NHLRC2: variants seen among roughly 807,000 people sequenced by gnomAD.
NHLRC2 encodes NHL repeat-containing protein 2.
NHLRC2 carries 33 observed loss-of-function variants against 68.1 expected under a neutral mutation model. That is an observed-to-expected ratio of 0.48 (90% CI 0.37 to 0.65). NHLRC2 has a LOEUF of 0.65. Among genes scored for constraint, NHLRC2 ranks in the 30% least tolerant of loss-of-function variants. The pLI, the probability that NHLRC2 is intolerant of heterozygous loss-of-function variation, is 0.00. For missense variants in NHLRC2, 761 were observed against 853.8 expected (o/e 0.89, Z 1.35); for synonymous variants, 311 against 309.6 (o/e 1.00, Z -0.05).
rs1373649271 is a variant in NHLRC2 at position 113,916,442 on chromosome 10, C to T, written c.*7906C>T. The T allele has an allele frequency of 6.6e-6, 1 of 152,080 alleles. No homozygotes were observed. 9.4% of individuals were successfully genotyped at this position (152,080 alleles called of 1,614,324 possible). ...TCCGTAGCATTTCTTAATAATAGCT[C>T]AGTTTTTAAAGGAGGGGAACAATAC... On this transcript the variant is annotated 3_prime_UTR_variant, in exon 11 of 11. Transcript: ENST00000369301.
intron 9 of NHLRC2, among the ~76,000 whole-genome samples, chr10:113,904,473 ATCT>A (rs767306415): frequency 2.0e-4 from 30 of 152,310 alleles, no homozygotes; most frequent in Non-Finnish European, 2.8e-4. Context: ...GATGAATAAC[ATCT>A]TCTTATAGTT....
chr10:113,861,015 C>A (rs1845811761), intron 2 of NHLRC2, among the ~76,000 whole-genome samples: 1 of 152,068 alleles, frequency 6.6e-6, no homozygotes, highest in African/African-American at 2.4e-5. Flanking sequence ...GAATTATGTC[C>A]AGATAAACTC....
rs773551099 is a variant in NHLRC2, at chr10:113,901,743, A to G, written c.1217A>G (p.Lys406Arg). Residue 406 changes from lysine to arginine, a missense_variant, in exon 7 of 11, where the codon AAG becomes AGG. By Grantham distance (26) the Lys-to-Arg change is conservative. Coordinates refer to ENST00000369301, the MANE Select transcript of NHLRC2 (RefSeq NM_198514.4). ...AATCGAAACAATGCCTATCCTCACA[A>G]GGCAGGTTTTGCCCAACCTTCAGGC... ...EENRNNAYPH[K>R]AGFAQPSGLS... 5.0e-6 allele frequency: 8 copies of G among 1,614,192 alleles called. No individual in the cohort carries two copies. Among genetic ancestry groups the G allele is most frequent in the Non-Finnish European group, 6.8e-6 (8 of 1,180,002 alleles).
At chr10:113,874,856 T>C (rs1438980619) in intron 2 of NHLRC2, among the ~76,000 whole-genome samples, 1 of 152,142 alleles carries the variant, frequency 6.6e-6, no homozygotes, top group African/African-American at 2.4e-5. Context: ...GATCATCCAG[T>C]GAACTTGTGG....
At chr10:113,867,715 C>A (rs548861943) in intron 2 of NHLRC2, among the ~76,000 whole-genome samples, 1 of 152,294 alleles carries the variant, frequency 6.6e-6, no homozygotes, top group South Asian at 2.1e-4. Flanking sequence ...TCTTCTGGAT[C>A]TCAGAATGTC....
chr10:113,905,015 T>A lies in NHLRC2; in HGVS notation c.1903T>A (p.Cys635Ser), dbSNP rs778677302. The A allele has an allele frequency of 1.3e-6, 2 of 1,527,452 alleles. No homozygotes were observed. The highest frequency in any genetic ancestry group is 4.5e-5 in the Admixed American group (2 of 44,486). The allele number at this position is 1,527,452 out of a possible 1,614,324, so 94.6% of individuals were successfully genotyped here. A position where few individuals can be genotyped will look rare whatever the true frequency, so the allele number is the denominator to read the frequency against. Residue 635 changes from cysteine (C) to serine (S), a missense_variant, in exon 10 of 11, where the codon TGC becomes AGC. Physicochemically the swap from Cys to Ser is moderately radical, Grantham distance 112. Transcript: ENST00000369301. ...GSKLTEGVSS[C>S]WFLTAEGNEW... ...AAAGCTAACTGAAGGAGTATCCAGTTGCTGGTTTCTAACAGCTGAAGGTAT... is the reference window on the plus strand; with the variant it reads ...AAAGCTAACTGAAGGAGTATCCAGTAGCTGGTTTCTAACAGCTGAAGGTAT...
intron 4 of NHLRC2, 57 bp downstream of exon 4, chr10:113,879,752 T>A: frequency 8.9e-7 from 1 of 1,129,124 alleles, no homozygotes; most frequent in Non-Finnish European, 1.3e-6. Flanking sequence ...GAAATGTATT[T>A]GCTACATTAA....
chr10:113,874,448 G>GTGTA, intron 2 of NHLRC2, among the ~76,000 whole-genome samples: 1 of 16,156 alleles, frequency 6.2e-5, no homozygotes, highest in African/African-American at 1.8e-4. Context: ...GTGTTTGTGT[G>GTGTA]TGTGTGTGTG....
chr10:113,863,988 T>G (rs1022308228), intron 2 of NHLRC2, among the ~76,000 whole-genome samples: 8 of 152,210 alleles, frequency 5.3e-5, no homozygotes, highest in Non-Finnish European at 1.0e-4. Context: ...ACAACCTAAG[T>G]GTCCATTGAT....
intron 5 of NHLRC2, among the ~76,000 whole-genome samples, chr10:113,889,549 C>G (rs1846113283): frequency 6.6e-6 from 1 of 151,922 alleles, no homozygotes. Flanking sequence ...ATCACATTGA[C>G]TTGGTGTTGA....
rs1846389482 is a variant in NHLRC2 at position 113,916,703 on chromosome 10, CT to C, written c.*8170del. On this transcript the variant is annotated 3_prime_UTR_variant, in exon 11 of 11. Coordinates refer to ENST00000369301, the MANE Select transcript of NHLRC2 (RefSeq NM_198514.4). Reference sequence around the variant, plus strand: ...TATGTCAATTTTAGAAACTCAAACTCTTTCCCATCTTTTGTATGGATAAAGT... The same window carrying C: ...TATGTCAATTTTAGAAACTCAAACTCTTCCCATCTTTTGTATGGATAAAGT... 1.3e-5 allele frequency: 2 copies of C among 152,142 alleles called. No individual in the cohort carries two copies. Among genetic ancestry groups the C allele is most frequent in the Non-Finnish European group, 2.9e-5 (2 of 68,016 alleles). The allele number at this position is 152,142 out of a possible 1,614,324, so 9.4% of individuals were successfully genotyped here.
intron 2 of NHLRC2, among the ~76,000 whole-genome samples, chr10:113,864,740 C>T (rs1180080651): frequency 2.7e-5 from 4 of 149,492 alleles, no homozygotes; most frequent in South Asian, 2.1e-4. Flanking sequence ...GGGTTTTTAA[C>T]AACTATTTTA....
intron 5 of NHLRC2, among the ~76,000 whole-genome samples, chr10:113,893,241 C>T (rs1216307192): frequency 6.6e-6 from 1 of 151,980 alleles, no homozygotes; most frequent in Non-Finnish European, 1.5e-5. Flanking sequence ...TACTTGTTAC[C>T]AGAGCTAAGT....
intron 2 of NHLRC2, among the ~76,000 whole-genome samples, chr10:113,864,054 T>G (rs972211460): frequency 2.0e-5 from 3 of 152,230 alleles, no homozygotes; most frequent in African/African-American, 2.4e-5. Flanking sequence ...TATTCAACCT[T>G]GGAAGGAAAT....
chr10:113,904,639 T>G (rs1224743097), intron 9 of NHLRC2, among the ~76,000 whole-genome samples, 178 bp from the exon 10 acceptor site: 1 of 152,200 alleles, frequency 6.6e-6, no homozygotes, highest in Non-Finnish European at 1.5e-5. Context: ...AGATAAACTT[T>G]CTCTGTGTCT....
At chr10:113,869,289 A>G (rs1845900094) in intron 2 of NHLRC2, among the ~76,000 whole-genome samples, 1 of 152,150 alleles carries the variant, frequency 6.6e-6, no homozygotes, top group Non-Finnish European at 1.5e-5. Context: ...TTGCTTCTAT[A>G]ATTGGATGGA....
At chr10:113,897,039 T>G (rs1846184025) in intron 5 of NHLRC2, among the ~76,000 whole-genome samples, 1 of 152,064 alleles carries the variant, frequency 6.6e-6, no homozygotes, top group African/African-American at 2.4e-5. Context: ...TTTGAAATAT[T>G]GTGAATGGAA....
At chr10:113,857,056 T>A (rs1845767073) in intron 1 of NHLRC2, among the ~76,000 whole-genome samples, 1 of 152,200 alleles carries the variant, frequency 6.6e-6, no homozygotes, top group Non-Finnish European at 1.5e-5. Flanking sequence ...AGGATTATTA[T>A]TTGTATTGAA....
At position 113,879,656 on chromosome 10, in the gene NHLRC2, C is replaced by T; in HGVS notation, c.870C>T (p.Ile290=). Residue 290 remains isoleucine, a synonymous_variant, in exon 4 of 11, where the codon ATC becomes ATT. Coordinates refer to ENST00000369301, the MANE Select transcript of NHLRC2 (RefSeq NM_198514.4). The stretch of plus-strand genomic sequence containing the variant: ...AGGGTGTAGCCATAATGAATAATAT[C>T]ATATATGTGGCAGACACTGAAAACC... ...SPQGVAIMNN[I]IYVADTENHL... The T allele has an allele frequency of 6.4e-7, 1 of 1,555,492 alleles. No homozygotes were observed. Among genetic ancestry groups the T allele is most frequent in the South Asian group, 1.2e-5 (1 of 86,192 alleles).
Sources: gnomAD v4.1 joint callset for allele counts (sites outside exome capture counted in the v4.1 genomes callset) on GRCh38, gnomAD v4.1.1 for gene constraint, MANE v1.5 for transcripts, NCBI Gene and HGNC (gene_info 2026-07-23, HGNC 2026-07-21) for gene names.